The following FER variants were observed in gnomAD, a reference collection of about 807,000 sequenced individuals.
The protein encoded by FER is tyrosine-protein kinase Fer.
Under a neutral mutation model 111.0 loss-of-function variants are expected in FER, and 63 were observed. The observed-to-expected ratio is 0.57, with a 90% confidence interval of 0.46 to 0.70. FER has a LOEUF of 0.70. FER is among the 30% of genes least tolerant of loss of function. FER has a pLI of 0.00. For synonymous variants in FER, 327 were observed against 313.9 expected (o/e 1.04, Z -0.44); for missense variants, 914 against 954.0 (o/e 0.96, Z 0.55).
At chr5:109,006,313 A>T (rs1765487552) in intron 13 of FER, among the ~76,000 whole-genome samples, 1 of 152,190 alleles carries the variant, frequency 6.6e-6, no homozygotes, top group Non-Finnish European at 1.5e-5. Context: ...GGAGGTAATG[A>T]ATCATGGGGG....
chr5:109,176,981 TAATG>T (rs1012875852), intron 17 of FER, among the ~76,000 whole-genome samples: 79 of 152,320 alleles, frequency 5.2e-4, no homozygotes, highest in Middle Eastern at 6.8e-3. Context: ...GTTTTTATAA[TAATG>T]TATGTATCTA....
Position 108,832,768 on chromosome 5 carries a change from A to G in FER, c.208-2A>G. ...TTTGTTTCTTTTTTTTTTTTTTTTA[A>G]GTCTTGGCTACTTATGATTCAGCAG... On this transcript the variant is annotated splice_acceptor_variant, in intron 3 of 19. Coordinates refer to ENST00000281092, the MANE Select transcript of FER (RefSeq NM_005246.4). LOFTEE classifies it high-confidence loss of function. 7.0e-7 allele frequency: 1 copy of G among 1,436,234 alleles called. No homozygotes were observed. The allele number at this position is 1,436,234 out of a possible 1,614,324, so 89.0% of individuals were successfully genotyped here.
chr5:109,029,850 G>A (rs11957358), intron 13 of FER, among the ~76,000 whole-genome samples: 16,871 of 152,082 alleles, frequency 0.11, 1,035 homozygotes, highest in Non-Finnish European at 0.14. Context: ...CTTCTTGTTT[G>A]TAGATTTGTG....
chr5:108,784,901 A>C (rs1470360016), intron 2 of FER: 1 of 162,946 alleles, frequency 6.1e-6, no homozygotes, highest in Non-Finnish European at 1.3e-5. Context: ...TGACAGCCTT[A>C]TAGCATGGGA....
At chr5:108,819,874 GA>G (rs1306597934) in intron 3 of FER, 14 of 985,090 alleles carry the variant, frequency 1.4e-5, no homozygotes, top group Middle Eastern at 5.2e-4. Flanking sequence ...TGAGGAGTTT[GA>G]AAAAAGATAG....
At chr5:108,788,786 A>T (rs925077618) in intron 2 of FER, among the ~76,000 whole-genome samples, 1 of 152,178 alleles carries the variant, frequency 6.6e-6, no homozygotes, top group African/African-American at 2.4e-5. Context: ...TAAAACTTGC[A>T]GCTGAAACGA....
intron 5 of FER, among the ~76,000 whole-genome samples, chr5:108,848,729 T>G (rs1205157884): frequency 6.6e-6 from 1 of 152,094 alleles, no homozygotes; most frequent in Non-Finnish European, 1.5e-5. Flanking sequence ...ATAAAATATT[T>G]CATATATTTA....
chr5:109,101,220 G>T (rs955463748), intron 17 of FER, among the ~76,000 whole-genome samples: 1 of 151,878 alleles, frequency 6.6e-6, no homozygotes, highest in African/African-American at 2.4e-5. Flanking sequence ...TCCTAAATAT[G>T]GCTAAGTATA....
At chr5:108,754,336 G>A in intron 1 of FER, among the ~76,000 whole-genome samples, 1 of 146,498 alleles carries the variant, frequency 6.8e-6, no homozygotes, top group East Asian at 2.1e-4. Context: ...GAGCCCAGGA[G>A]TTCAATACTG....
intron 13 of FER, among the ~76,000 whole-genome samples, chr5:109,027,966 ATATT>A (rs1768998418): frequency 6.6e-6 from 1 of 152,214 alleles, no homozygotes; most frequent in Non-Finnish European, 1.5e-5. Flanking sequence ...TAAAAGTACT[ATATT>A]AATGACAATT....
chr5:108,833,741 G>A (rs1760295789), intron 4 of FER, among the ~76,000 whole-genome samples: 1 of 152,090 alleles, frequency 6.6e-6, no homozygotes, highest in East Asian at 1.9e-4. Context: ...GGGCGTACTG[G>A]CGGGCGCCTG....
intron 3 of FER, among the ~76,000 whole-genome samples, chr5:108,811,558 A>ACTGTTT (rs1389979731): frequency 2.0e-5 from 3 of 152,146 alleles, no homozygotes; most frequent in Non-Finnish European, 2.9e-5. Flanking sequence ...AGTAAAGTGA[A>ACTGTTT]GATGGTTGAT....
chr5:108,983,774 A>G (rs1174423492), intron 13 of FER, among the ~76,000 whole-genome samples: 1 of 152,132 alleles, frequency 6.6e-6, no homozygotes, highest in Non-Finnish European at 1.5e-5. Context: ...CCTGATTTCA[A>G]GTCCTTCTAG....
chr5:108,798,150 G>A lies in FER; in HGVS notation c.-33G>A. 6.5e-7 allele frequency: 1 copy of A among 1,540,838 alleles called. No individual in the cohort carries two copies. Among genetic ancestry groups the A allele is most frequent in the East Asian group, 2.3e-5 (1 of 44,436 alleles). Reference sequence around the variant, plus strand: ...TATGTGCTGATTAGAAGGCTCACTTGTGCAGTGTGGAGGATAACCAGTGCC... The same window carrying A: ...TATGTGCTGATTAGAAGGCTCACTTATGCAGTGTGGAGGATAACCAGTGCC... On this transcript the variant is annotated 5_prime_UTR_variant, in exon 3 of 20. In the 5' UTR this introduces an upstream ATG that the reference lacks. Transcript: ENST00000281092.
intron 10 of FER, among the ~76,000 whole-genome samples, chr5:108,930,876 AG>A (rs1754571327): frequency 6.6e-6 from 1 of 151,796 alleles, no homozygotes; most frequent in African/African-American, 2.4e-5. Flanking sequence ...GGCCTCCCAA[AG>A]TGTTGAGATC....
chr5:109,049,772 AT>A (rs1193721020), intron 16 of FER, among the ~76,000 whole-genome samples: 2 of 152,156 alleles, frequency 1.3e-5, no homozygotes, highest in Non-Finnish European at 2.9e-5. Flanking sequence ...CATACTCAGC[AT>A]TTTCACCAGT....
rs61093400 is a variant in FER, at chr5:109,079,704, A to G, written c.1925-20692A>G. Reference sequence around the variant, plus strand: ...AGGCTAAGGAAATGATACCCAGGAAAGGTTATGGTTACCTCAAAGAAATCT... The same window carrying G: ...AGGCTAAGGAAATGATACCCAGGAAGGGTTATGGTTACCTCAAAGAAATCT... On this transcript the variant is annotated intron_variant, in intron 16 of 19. Transcript: ENST00000281092. 2.1e-3 allele frequency among the ~76,000 whole-genome samples: 323 copies of G among 152,192 alleles called. 5 individuals carry two copies. The East Asian group carries it at 0.038, about 18-fold the overall frequency.
chr5:108,936,415 T>A (rs1462664450), intron 10 of FER, among the ~76,000 whole-genome samples: 1 of 152,036 alleles, frequency 6.6e-6, no homozygotes, highest in East Asian at 1.9e-4. Context: ...ATAAGTCTGA[T>A]GTTTGGAGTT....
intron 10 of FER, among the ~76,000 whole-genome samples, chr5:108,910,893 G>T (rs1751456368): frequency 1.3e-5 from 2 of 151,938 alleles, no homozygotes; most frequent in South Asian, 4.1e-4. Flanking sequence ...TCAACTATTG[G>T]TGGATATTTA....
Sources: allele counts gnomAD v4.1 joint callset (sites outside exome capture counted in the v4.1 genomes callset), GRCh38; gene constraint gnomAD v4.1.1; transcripts MANE v1.5; gene names NCBI Gene and HGNC (gene_info 2026-07-23, HGNC 2026-07-21).